CCBE1: variants seen among roughly 807,000 people sequenced by gnomAD.
The protein encoded by CCBE1 is collagen and calcium binding EGF domains 1, also known as collagen and calcium-binding EGF domain-containing protein 1.
Under a neutral mutation model 50.0 loss-of-function variants are expected in CCBE1, and 37 were observed. The ratio of observed to expected loss-of-function variants is 0.74; its 90% CI spans 0.57 to 0.97. CCBE1 has a LOEUF of 0.97. Among genes scored for constraint, CCBE1 ranks in the 50% least tolerant of loss-of-function variants. CCBE1 has a pLI of 0.00. For missense variants in CCBE1, 538 were observed against 523.8 expected, an observed-to-expected ratio of 1.03 and a Z score of -0.26; for synonymous variants, 234 against 203.7, an observed-to-expected ratio of 1.15 and a Z score of -1.27.
chr18:59,621,865 C>T lies in CCBE1; in HGVS notation c.212+74764G>A, dbSNP rs528489772. Among the ~76,000 whole-genome samples, 135 of 152,324 alleles carry T rather than the reference C, an allele frequency of 8.9e-4. 1 individual carries two copies. Among genetic ancestry groups the T allele is most frequent in the African/African-American group, 2.9e-3 (119 of 41,560 alleles). On this transcript the variant is annotated intron_variant, in intron 2 of 10. Coordinates refer to ENST00000439986, the MANE Select transcript of CCBE1 (RefSeq NM_133459.4). ...CGAACATCAGCAGCTTAACTCCACT[C>T]GGGAGCCTGCTGCACAAGTGACAAC...
At chr18:59,616,391 G>A (rs1446943446) in intron 2 of CCBE1, among the ~76,000 whole-genome samples, 1 of 152,226 alleles carries the variant, frequency 6.6e-6, no homozygotes, top group African/African-American at 2.4e-5. Flanking sequence ...GAAATTTCAG[G>A]TTAAATGGCA....
chr18:59,624,212 A>G (rs2053747941), intron 2 of CCBE1, among the ~76,000 whole-genome samples: 1 of 152,232 alleles, frequency 6.6e-6, no homozygotes, highest in South Asian at 2.1e-4. Context: ...GTCTGGAAGA[A>G]AACACTATTG....
intron 7 of CCBE1, among the ~76,000 whole-genome samples, chr18:59,443,974 T>G (rs1910560255): frequency 1.3e-5 from 2 of 152,228 alleles, no homozygotes. Flanking sequence ...ATACCTTATA[T>G]AAGTGTTAAT....
chr18:59,513,736 A>G (rs1427258338), intron 2 of CCBE1, among the ~76,000 whole-genome samples: 23 of 152,222 alleles, frequency 1.5e-4, no homozygotes, highest in Admixed American at 1.5e-3. Context: ...TGGCAATGGT[A>G]ACATTAGAGG....
intron 2 of CCBE1, among the ~76,000 whole-genome samples, chr18:59,513,487 A>G (rs1350208547): frequency 3.9e-5 from 6 of 152,184 alleles, no homozygotes; most frequent in Admixed American, 3.9e-4. Context: ...GCAATTTCTC[A>G]GGCTGCTCAG....
intron 2 of CCBE1, among the ~76,000 whole-genome samples, chr18:59,593,132 C>T (rs1392041091): frequency 1.3e-5 from 2 of 152,068 alleles, no homozygotes; most frequent in African/African-American, 4.8e-5. Context: ...ATTTATTGTC[C>T]TGGGTGGTGG....
chr18:59,542,421 G>C (rs1006029193), intron 2 of CCBE1, among the ~76,000 whole-genome samples: 17 of 152,170 alleles, frequency 1.1e-4, no homozygotes, highest in African/African-American at 4.1e-4. Context: ...TCAAAGCAAA[G>C]CTAAAGCATC....
Position 59,607,986 on chromosome 18 carries a change from G to A in CCBE1, c.212+88643C>T, listed in dbSNP as rs113009381. Among the ~76,000 whole-genome samples, 764 of 144,734 alleles carry A rather than the reference G, an allele frequency of 5.3e-3. 12 individuals are homozygous for A. Among genetic ancestry groups the A allele is most frequent in the African/African-American group, 0.018 (716 of 39,228 alleles). The allele number at this position is 144,734 out of a possible 152,430, so 95.0% of individuals were successfully genotyped here. On this transcript the variant is annotated intron_variant, in intron 2 of 10. Transcript: ENST00000439986. ...AGCTACTCAGGAAGCTGAGGCAGGA[G>A]AATCTCTTGAATCCAGGAAGCAGAG...
intron 7 of CCBE1, among the ~76,000 whole-genome samples, chr18:59,441,140 A>T (rs1910401858): frequency 1.3e-5 from 2 of 152,340 alleles, no homozygotes; most frequent in East Asian, 1.9e-4. Flanking sequence ...CATCTCCAGG[A>T]GTGATAACCA....
intron 2 of CCBE1, among the ~76,000 whole-genome samples, chr18:59,499,758 T>C (rs1178228111): frequency 6.6e-6 from 1 of 152,190 alleles, no homozygotes; most frequent in African/African-American, 2.4e-5. Flanking sequence ...CACTGTCTTC[T>C]CTAGGCACAA....
chr18:59,563,180 G>T (rs1248566246), intron 2 of CCBE1, among the ~76,000 whole-genome samples: 1 of 152,188 alleles, frequency 6.6e-6, no homozygotes, highest in Non-Finnish European at 1.5e-5. Flanking sequence ...GGCATGGACT[G>T]AGCGAGAGAC....
intron 2 of CCBE1, among the ~76,000 whole-genome samples, chr18:59,689,484 G>A (rs2144746444): frequency 6.6e-6 from 1 of 152,320 alleles, no homozygotes; most frequent in East Asian, 1.9e-4. Flanking sequence ...CTAGAAAGAT[G>A]CGACATTTTG....
intron 1 of CCBE1, among the ~76,000 whole-genome samples, 156 bp downstream of exon 1, chr18:59,697,056 T>C (rs1187097087): frequency 1.3e-5 from 2 of 152,176 alleles, no homozygotes; most frequent in Admixed American, 6.5e-5. Flanking sequence ...CGGAGGGAAG[T>C]GTCGCCCAGG....
intron 5 of CCBE1, among the ~76,000 whole-genome samples, chr18:59,466,234 G>T (rs1173464583): frequency 6.6e-6 from 1 of 152,068 alleles, no homozygotes; most frequent in East Asian, 1.9e-4. Context: ...GGACCTGGTG[G>T]TGGGTAATTG....
chr18:59,503,929 C>T (rs1188063197), intron 2 of CCBE1, among the ~76,000 whole-genome samples: 1 of 152,208 alleles, frequency 6.6e-6, no homozygotes, highest in African/African-American at 2.4e-5. Context: ...ACATTGCTGT[C>T]TCCTCCTTTA....
At chr18:59,566,026 C>T (rs1042078802) in intron 2 of CCBE1, among the ~76,000 whole-genome samples, 6 of 152,144 alleles carry the variant, frequency 3.9e-5, no homozygotes, top group Admixed American at 3.9e-4. Context: ...CTGCAGTAGG[C>T]TCTATTATCT....
intron 2 of CCBE1, among the ~76,000 whole-genome samples, chr18:59,564,759 G>T (rs2052794550): frequency 6.6e-6 from 1 of 152,208 alleles, no homozygotes. Context: ...GGTTGGCTGG[G>T]GAAAGGAGAA....
At chr18:59,618,851 A>G (rs111759059) in intron 2 of CCBE1, among the ~76,000 whole-genome samples, 52 of 152,250 alleles carry the variant, frequency 3.4e-4, no homozygotes, top group Middle Eastern at 3.4e-3. Flanking sequence ...TTTTTTTTTA[A>G]TAACTATAAT....
At chr18:59,518,254 C>T (rs1214729662) in intron 2 of CCBE1, among the ~76,000 whole-genome samples, 2 of 152,132 alleles carry the variant, frequency 1.3e-5, no homozygotes, top group Non-Finnish European at 2.9e-5. Context: ...TCTGGGAGGC[C>T]GAGGCTGGCA....
Sources: gnomAD v4.1 joint callset for allele counts (sites outside exome capture counted in the v4.1 genomes callset) on GRCh38, gnomAD v4.1.1 for gene constraint, MANE v1.5 for transcripts, NCBI Gene and HGNC (gene_info 2026-07-23, HGNC 2026-07-21) for gene names.